Variants in SPTBN1 observed in about 807,000 individuals in gnomAD.
SPTBN1 encodes spectrin beta, non-erythrocytic 1, also known as spectrin beta chain, non-erythrocytic 1.
Under a neutral mutation model 266.4 loss-of-function variants are expected in SPTBN1, and 32 were observed. The ratio of observed to expected loss-of-function variants is 0.12; its 90% CI spans 0.09 to 0.16. The LOEUF is 0.16. Among genes scored for constraint, SPTBN1 ranks in the 10% least tolerant of loss-of-function variants. SPTBN1 has a pLI of 1.00. For synonymous variants in SPTBN1, 1,336 were observed against 1,162.2 expected (o/e 1.15, Z -3.04); for missense variants, 2,296 against 3,067.1 (o/e 0.75, Z 5.94).
chr2:54,476,148 C>T (rs775278700), intron 1 of SPTBN1, among the ~76,000 whole-genome samples: 13 of 152,086 alleles, frequency 8.5e-5, no homozygotes, highest in Non-Finnish European at 1.8e-4. Context: ...GTATTTTCCA[C>T]TCATGTTACT....
At chr2:54,483,403 T>A (rs1238334681) in intron 1 of SPTBN1, among the ~76,000 whole-genome samples, 1 of 152,136 alleles carries the variant, frequency 6.6e-6, no homozygotes, top group Non-Finnish European at 1.5e-5. Context: ...AGAGGAAACA[T>A]GAAGTGTATA....
intron 1 of SPTBN1, among the ~76,000 whole-genome samples, chr2:54,473,574 G>A (rs1694034888): frequency 6.6e-6 from 1 of 151,670 alleles, no homozygotes; most frequent in Non-Finnish European, 1.5e-5. Context: ...AAATTGTATT[G>A]AGGAGAGGTG....
rs1681653396 is a variant in SPTBN1 at position 54,670,614 on chromosome 2, A to G, written c.*2045A>G. The G allele has an allele frequency of 2.5e-6, 1 of 398,510 alleles. No homozygotes were observed. The highest frequency in any genetic ancestry group is 4.4e-5 in the Admixed American group (1 of 22,718). The allele number at this position is 398,510 out of a possible 1,614,324, so 24.7% of individuals were successfully genotyped here. On this transcript the variant is annotated 3_prime_UTR_variant, in exon 36 of 36. Coordinates refer to ENST00000356805, the MANE Select transcript of SPTBN1 (RefSeq NM_003128.3). Reference sequence around the variant, plus strand: ...TTAGTTAAGGCAAAGTATCTTGGAAACAATTGTGATTAATTACAGTCTTGT... The same window carrying G: ...TTAGTTAAGGCAAAGTATCTTGGAAGCAATTGTGATTAATTACAGTCTTGT...
rs1252705430 is a variant in SPTBN1 at position 54,607,610 on chromosome 2, C to CT, written c.301-4550dup. ...CCAGCCTGGGCGACAGAGCGAGACTCTGTCTCAAAAAAAAAATTAATAAAT... is the reference window on the plus strand; with the variant it reads ...CCAGCCTGGGCGACAGAGCGAGACTCTTGTCTCAAAAAAAAAATTAATAAAT... On this transcript the variant is annotated intron_variant, in intron 3 of 35. Coordinates refer to ENST00000356805, the MANE Select transcript of SPTBN1 (RefSeq NM_003128.3). Among the ~76,000 whole-genome samples, 3 of 151,436 alleles carry CT rather than the reference C, an allele frequency of 2.0e-5. No individual in the cohort carries two copies. The East Asian group carries it at 5.8e-4, about 29-fold the overall frequency.
intron 4 of SPTBN1, among the ~76,000 whole-genome samples, chr2:54,614,814 A>G (rs987434565): frequency 6.6e-6 from 1 of 152,132 alleles, no homozygotes; most frequent in African/African-American, 2.4e-5. Flanking sequence ...AAAAAAAGTA[A>G]AAGATGGTGA....
At chr2:54,548,534 C>CA (rs1672382513) in intron 2 of SPTBN1, among the ~76,000 whole-genome samples, 1 of 152,196 alleles carries the variant, frequency 6.6e-6, no homozygotes, top group Admixed American at 6.5e-5. Flanking sequence ...TCCCTGATTC[C>CA]AAGCCCTGGG....
At chr2:54,567,595 T>G (rs1673750741) in intron 2 of SPTBN1, among the ~76,000 whole-genome samples, 2 of 152,160 alleles carry the variant, frequency 1.3e-5, no homozygotes, top group African/African-American at 4.8e-5. Flanking sequence ...TATTCACGGA[T>G]TGCAAGTGCA....
At chr2:54,630,133 C>T (rs1166026569) in intron 15 of SPTBN1, 104 bp downstream of exon 15, 7 of 1,432,608 alleles carry the variant, frequency 4.9e-6, no homozygotes, top group Non-Finnish European at 5.6e-6. Context: ...ATGGGGTCAT[C>T]GACATTGCAA....
intron 33 of SPTBN1, among the ~76,000 whole-genome samples, chr2:54,665,151 T>G (rs1052694564): frequency 1.3e-5 from 2 of 152,220 alleles, no homozygotes; most frequent in African/African-American, 4.8e-5. Context: ...TTAACAAAGC[T>G]TTCTTTCTGT....
At chr2:54,666,693 A>C (rs1484289705) in intron 34 of SPTBN1, among the ~76,000 whole-genome samples, 2 of 152,224 alleles carry the variant, frequency 1.3e-5, no homozygotes, top group African/African-American at 2.4e-5. Context: ...ACTTGGAAGT[A>C]GGCAGAAAAA....
At chr2:54,562,241 G>A (rs1385577811) in intron 2 of SPTBN1, among the ~76,000 whole-genome samples, 1 of 152,180 alleles carries the variant, frequency 6.6e-6, no homozygotes, top group Non-Finnish European at 1.5e-5. Context: ...ACATCAGCCA[G>A]CTTAACTCCT....
chr2:54,603,161 A>C (rs1465152498), intron 3 of SPTBN1, among the ~76,000 whole-genome samples: 1 of 152,134 alleles, frequency 6.6e-6, no homozygotes, highest in African/African-American at 2.4e-5. Flanking sequence ...AAACCTTAGT[A>C]GGAGGGTAGG....
Position 54,558,988 on chromosome 2 carries a change from G to GC in SPTBN1, c.148+32426dup. The GC allele has an allele frequency of 7.2e-7, 1 of 1,383,576 alleles. No individual in the cohort carries two copies. Among genetic ancestry groups the GC allele is most frequent in the Non-Finnish European group, 9.7e-7 (1 of 1,028,290 alleles). The allele number at this position is 1,383,576 out of a possible 1,614,324, so 85.7% of individuals were successfully genotyped here. A position where few individuals can be genotyped will look rare whatever the true frequency, so the allele number is the denominator to read the frequency against. On this transcript the variant is annotated intron_variant, in intron 2 of 35. Transcript: ENST00000356805. This position sits in a 1 kb window ranked among gnomAD's most constrained non-coding sequence, Gnocchi z 4.6. ...TGAAGACGGGCGGCTTCACAGCTCG[G>GC]CCCCAGACCCTGTGGTTGGCTGCGG...
chr2:54,559,834 T>G (rs1437520428), intron 2 of SPTBN1, among the ~76,000 whole-genome samples: 1 of 152,212 alleles, frequency 6.6e-6, no homozygotes, highest in Admixed American at 6.5e-5. Context: ...TCCTCAGTGC[T>G]GCAAATGTGG....
intron 34 of SPTBN1, among the ~76,000 whole-genome samples, chr2:54,667,020 C>G (rs902975713): frequency 6.6e-5 from 10 of 152,222 alleles, no homozygotes; most frequent in African/African-American, 2.4e-4. Context: ...CGAACGGCCC[C>G]TACCCTGTGT....
chr2:54,660,715 CTT>C (rs1438195215), intron 32 of SPTBN1: 1 of 985,306 alleles, frequency 1.0e-6, no homozygotes, highest in East Asian at 1.1e-4. Context: ...TAGTTCCTCT[CTT>C]TTTTTCTGCC....
chr2:54,515,159 C>T (rs1670050468), intron 1 of SPTBN1, among the ~76,000 whole-genome samples: 1 of 152,154 alleles, frequency 6.6e-6, no homozygotes, highest in Non-Finnish European at 1.5e-5. Flanking sequence ...GGCCCCCACC[C>T]AGGACTGACT....
At chr2:54,596,983 T>C (rs1257060430) in intron 2 of SPTBN1, among the ~76,000 whole-genome samples, 1 of 152,220 alleles carries the variant, frequency 6.6e-6, no homozygotes, top group East Asian at 1.9e-4. Context: ...GCTCCTTTAG[T>C]GAGAGATTCA....
chr2:54,498,782 A>C lies in SPTBN1; in HGVS notation c.-47-27590A>C, dbSNP rs544460689. Among the ~76,000 whole-genome samples, 11 of 152,338 alleles carry C rather than the reference A, an allele frequency of 7.2e-5. No homozygotes were observed. In the East Asian group the frequency reaches 1.2e-3, roughly 16 times the overall value. On this transcript the variant is annotated intron_variant, in intron 1 of 35. Coordinates refer to ENST00000356805, the MANE Select transcript of SPTBN1 (RefSeq NM_003128.3). ...CAGAAAAGTCATTTATTTGATAAATATGTCTGGAGCCCGTACTTTATGCCA... is the reference window on the plus strand; with the variant it reads ...CAGAAAAGTCATTTATTTGATAAATCTGTCTGGAGCCCGTACTTTATGCCA...
Sources: allele counts gnomAD v4.1 joint callset (sites outside exome capture counted in the v4.1 genomes callset), GRCh38; gene constraint gnomAD v4.1.1; non-coding constraint Gnocchi (gnomAD v3.1); transcripts MANE v1.5; gene names NCBI Gene and HGNC (gene_info 2026-07-23, HGNC 2026-07-21).